NPAS3: variants seen among roughly 807,000 people sequenced by gnomAD.
NPAS3 encodes neuronal PAS domain-containing protein 3.
NPAS3 carries 14 observed loss-of-function variants against 73.1 expected under a neutral mutation model. The observed-to-expected ratio is 0.19, with a 90% CI of 0.13 to 0.30. NPAS3 has a LOEUF of 0.30. Ranked by LOEUF, NPAS3 falls within the 10% of genes least tolerant of loss-of-function variation. The pLI is 1.00. For synonymous variants in NPAS3, 620 were observed against 541.5 expected, an observed-to-expected ratio of 1.14 and a Z score of -2.01; for missense variants, 1,096 against 1,250.0, an observed-to-expected ratio of 0.88 and a Z score of 1.86.
chr14:33,355,924 G>A (rs866133151), intron 3 of NPAS3, among the ~76,000 whole-genome samples: 10 of 152,068 alleles, frequency 6.6e-5, no homozygotes, highest in South Asian at 2.1e-4. Flanking sequence ...TATTGTTGTC[G>A]TCTGGCTCCC....
At chr14:33,782,327 G>A (rs1011859564) in intron 9 of NPAS3, among the ~76,000 whole-genome samples, 7 of 152,126 alleles carry the variant, frequency 4.6e-5, no homozygotes, top group Non-Finnish European at 7.3e-5. Context: ...TACTTATGGT[G>A]TCTGTGTGGC....
At position 33,519,687 on chromosome 14, in the gene NPAS3, C is replaced by T. The variant is rs562094165; in HGVS notation, c.469-40434C>T. On this transcript the variant is annotated intron_variant, in intron 4 of 11. Coordinates refer to ENST00000356141, the Ensembl canonical transcript of NPAS3. Reference sequence around the variant, plus strand: ...ATGTAAGGTACTTGAAATATACGTACCTGGCAAGTTGATTAGGATGGCTTC... The same window carrying T: ...ATGTAAGGTACTTGAAATATACGTATCTGGCAAGTTGATTAGGATGGCTTC... Among the ~76,000 whole-genome samples the T allele has an allele frequency of 2.6e-5, 4 of 152,228 alleles. No homozygotes were observed. In the South Asian group the frequency reaches 8.3e-4, roughly 32 times the overall value.
At chr14:33,477,460 G>A (rs1395851005) in intron 4 of NPAS3, among the ~76,000 whole-genome samples, 2 of 152,000 alleles carry the variant, frequency 1.3e-5, no homozygotes, top group Non-Finnish European at 2.9e-5. Context: ...GTGATCATGT[G>A]CCCAACACAC....
intron 7 of NPAS3, among the ~76,000 whole-genome samples, chr14:33,748,063 G>A (rs1334542480): frequency 7.2e-5 from 11 of 152,116 alleles, no homozygotes; most frequent in Non-Finnish European, 1.3e-4. Context: ...TCCTAGAACA[G>A]TTTCAGGCAC....
rs771634862 is a variant in NPAS3 at position 33,384,421 on chromosome 14, TAAAA to T, written c.468+17162_468+17165del. Among the ~76,000 whole-genome samples, 55 of 146,422 alleles carry T rather than the reference TAAAA, an allele frequency of 3.8e-4. No homozygotes were observed. The Middle Eastern group carries it at 0.011, about 29-fold the overall frequency. On this transcript the variant is annotated intron_variant, in intron 4 of 11. Coordinates refer to ENST00000356141, the Ensembl canonical transcript of NPAS3. ...TGTTTTTAATGTTTCTGTGTTTTTT[TAAAA>T]AAAAAAAACAAATACCATTGAAGGC...
At chr14:33,034,177 G>T (rs1207624843) in intron 1 of NPAS3, among the ~76,000 whole-genome samples, 1 of 151,868 alleles carries the variant, frequency 6.6e-6, no homozygotes, top group Non-Finnish European at 1.5e-5. Flanking sequence ...ATATACTACA[G>T]AATTTAGATT....
intron 4 of NPAS3, among the ~76,000 whole-genome samples, chr14:33,437,147 G>C (rs923746400): frequency 5.3e-5 from 8 of 152,170 alleles, no homozygotes; most frequent in African/African-American, 1.9e-4. Flanking sequence ...ATTGATATTT[G>C]TTGTTGTTGT....
chr14:33,659,970 C>T (rs930918702), intron 5 of NPAS3, among the ~76,000 whole-genome samples: 5 of 152,026 alleles, frequency 3.3e-5, no homozygotes, highest in African/African-American at 1.2e-4. Flanking sequence ...TGTAATCACC[C>T]CAGCGCCCCC....
chr14:33,676,482 A>G, intron 6 of NPAS3, 97 bp downstream of exon 6: 1 of 998,644 alleles, frequency 1.0e-6, no homozygotes, highest in East Asian at 2.9e-5. Context: ...AAATAGGTCT[A>G]AGGGTATTTA....
intron 3 of NPAS3, among the ~76,000 whole-genome samples, chr14:33,224,883 T>C (rs1203595776): frequency 1.3e-5 from 2 of 152,162 alleles, no homozygotes; most frequent in Admixed American, 6.5e-5. Flanking sequence ...GGCTGAAGCA[T>C]AGATGGGACC....
At chr14:33,453,457 C>A (rs11621268) in intron 4 of NPAS3, among the ~76,000 whole-genome samples, 5 of 151,918 alleles carry the variant, frequency 3.3e-5, no homozygotes, top group Non-Finnish European at 7.4e-5. Context: ...TTTGTCCTTC[C>A]CAATATTTCC....
At chr14:32,982,533 G>A (rs1375519326) in intron 1 of NPAS3, among the ~76,000 whole-genome samples, 1 of 151,950 alleles carries the variant, frequency 6.6e-6, no homozygotes, top group Non-Finnish European at 1.5e-5. Flanking sequence ...AACATAGTGA[G>A]ATCTCATCTC....
At chr14:33,229,316 T>C (rs536356006) in intron 3 of NPAS3, among the ~76,000 whole-genome samples, 11 of 152,362 alleles carry the variant, frequency 7.2e-5, no homozygotes, top group Admixed American at 6.5e-4. Flanking sequence ...GAATGAAGTG[T>C]ATTTTTAAGT....
At chr14:33,386,586 G>A (rs374149907) in intron 4 of NPAS3, among the ~76,000 whole-genome samples, 1 of 151,870 alleles carries the variant, frequency 6.6e-6, no homozygotes, top group African/African-American at 2.4e-5. Context: ...TTAGGTAGAG[G>A]AGAAAAGAAA....
chr14:33,121,090 C>A (rs1481932143), intron 2 of NPAS3, among the ~76,000 whole-genome samples: 3 of 152,048 alleles, frequency 2.0e-5, no homozygotes, highest in African/African-American at 7.2e-5. Flanking sequence ...TTTTTGACCT[C>A]TTAACAGTCA....
chr14:33,479,166 C>T lies in NPAS3; in HGVS notation c.469-80955C>T, dbSNP rs573500516. 7.2e-5 allele frequency among the ~76,000 whole-genome samples: 11 copies of T among 152,288 alleles called. No homozygotes were observed. In the South Asian group the frequency reaches 2.1e-3, roughly 29 times the overall value. On this transcript the variant is annotated intron_variant, in intron 4 of 11. Coordinates refer to ENST00000356141, the Ensembl canonical transcript of NPAS3. ...TTTAATATTTCTTTGTGCTAAGGTA[C>T]CTCAGCTATTTCATTATGCCAACTA...
At chr14:33,311,163 G>T (rs2042986376) in intron 3 of NPAS3, among the ~76,000 whole-genome samples, 1 of 151,970 alleles carries the variant, frequency 6.6e-6, no homozygotes, top group Non-Finnish European at 1.5e-5. Flanking sequence ...TTGCCTTTTG[G>T]GGTATTCTCT....
At chr14:33,364,358 TAAG>T (rs1325888632) in intron 3 of NPAS3, among the ~76,000 whole-genome samples, 3 of 152,206 alleles carry the variant, frequency 2.0e-5, no homozygotes, top group Non-Finnish European at 4.4e-5. Flanking sequence ...AAGTGCAAGA[TAAG>T]AAGTACATTT....
At chr14:33,037,307 A>G (rs1159309374) in intron 1 of NPAS3, among the ~76,000 whole-genome samples, 1 of 152,092 alleles carries the variant, frequency 6.6e-6, no homozygotes, top group African/African-American at 2.4e-5. Context: ...AAATTATTAT[A>G]CTAGCCAACA....
Sources: allele counts gnomAD v4.1 joint callset (sites outside exome capture counted in the v4.1 genomes callset), GRCh38; gene constraint gnomAD v4.1.1; transcripts MANE v1.5; gene names NCBI Gene and HGNC (gene_info 2026-07-23, HGNC 2026-07-21).